The following ERCC1 variants were observed in gnomAD, a reference collection of about 807,000 sequenced individuals.
ERCC1 encodes ERCC excision repair 1, endonuclease non-catalytic subunit, also known as DNA excision repair protein ERCC-1.
A neutral mutation model predicts 37.6 loss-of-function variants in ERCC1; 36 were observed. The observed-to-expected ratio is 0.96, with a 90% CI of 0.73 to 1.26. The LOEUF (loss-of-function observed/expected upper bound fraction) is 1.26, where lower values mean the gene tolerates loss of function less well. Among genes scored for constraint, ERCC1 ranks in the 50% most tolerant of loss-of-function variants. The probability of loss-of-function intolerance (pLI) is 0.00; values close to 1 mark genes in which losing one functional copy is unlikely to be tolerated. For missense variants in ERCC1, 349 were observed against 376.5 expected (o/e 0.93, Z 0.60); for synonymous variants, 156 against 162.1 (o/e 0.96, Z 0.28).
chr19:45,413,880 G>T, intron 8 of ERCC1, 83 bp downstream of exon 8: 1 of 1,565,888 alleles, frequency 6.4e-7, no homozygotes, highest in Non-Finnish European at 8.8e-7. Context: ...GGTGGGCAGG[G>T]AGATGGAAGG....
intron 9 of ERCC1, chr19:45,410,873 G>C (rs1973695733): frequency 6.6e-6 from 1 of 152,026 alleles, no homozygotes; most frequent in South Asian, 2.1e-4. Context: ...GCCCAGGCTG[G>C]AGTGCAGTGG....
chr19:45,408,910 G>A lies in ERCC1; in HGVS notation c.*765C>T, dbSNP rs1193527878. 3 of 1,614,130 alleles carry A rather than the reference G, an allele frequency of 1.9e-6. No homozygotes were observed. Among genetic ancestry groups the A allele is most frequent in the East Asian group, 2.2e-5 (1 of 44,880 alleles). ...CAGTTGAGTCTCAGCCACAGGTGAA[G>A]GTGGAGCCACTGGAGGAAGCCATCC... On this transcript the variant is annotated 3_prime_UTR_variant, in exon 10 of 10. Transcript: ENST00000300853.
chr19:45,420,411 A>G lies in ERCC1; in HGVS notation c.338T>C (p.Leu113Pro), dbSNP rs1428067516. ...VSPRQRGNPV[L>P]KFVRNVPWEF... ...CCAGGGCACATTGCGCACGAACTTCAGTACGGGATTGCCCCTCTGGGGAGG... is the reference window on the plus strand; with the variant it reads ...CCAGGGCACATTGCGCACGAACTTCGGTACGGGATTGCCCCTCTGGGGAGG... The change falls in exon 4 of 10, where the codon CTG (leucine) becomes CCG (proline). Residue 113 changes from leucine to proline, a missense_variant. Transcript: ENST00000300853. This position sits in a 1 kb window ranked among gnomAD's most constrained non-coding sequence, Gnocchi z 4.8. The G allele has an allele frequency of 3.1e-6, 5 of 1,613,232 alleles. No homozygotes were observed. The highest frequency in any genetic ancestry group is 4.2e-6 in the Non-Finnish European group (5 of 1,179,496).
rs572179126 is a variant in ERCC1 at position 45,420,313 on chromosome 19, G to T, written c.425+11C>A. 4 of 1,589,272 alleles carry T rather than the reference G, an allele frequency of 2.5e-6. No individual in the cohort carries two copies. Among genetic ancestry groups the T allele is most frequent in the Non-Finnish European group, 3.4e-6 (4 of 1,159,948 alleles). ...CCTTCCTGAAGTCTGGGGTGGCGCC[G>T]CAGAGCTCACCTGAGGAACAGGGCA... On this transcript the variant is annotated intron_variant, in intron 4 of 9. Coordinates refer to ENST00000300853, the MANE Select transcript of ERCC1 (RefSeq NM_001983.4). This position sits in a 1 kb window ranked among gnomAD's most constrained non-coding sequence, Gnocchi z 4.8.
chr19:45,409,709 T>C lies in ERCC1; in HGVS notation c.860A>G (p.Asp287Gly), dbSNP rs1294107546. Residue 287 changes from aspartate (D) to glycine (G), a missense_variant, in exon 10 of 10, where the codon GAT becomes GGT. Transcript: ENST00000300853. The part of the protein sequence containing the change: ...LGPQKARRLF[D>G]VLHEPFLKVP ...TTTCAAGAAGGGCTCGTGCAGGACA[T>C]CAAACAGCCTCCGGGCCTGGATGGG... 2 of 884,104 alleles carry C rather than the reference T, an allele frequency of 2.3e-6. No homozygotes were observed. 54.8% of individuals were successfully genotyped at this position (884,104 alleles called of 1,614,324 possible). A position where few individuals can be genotyped will look rare whatever the true frequency, so the allele number is the denominator to read the frequency against.
chr19:45,443,332 C>T (rs1055410882), intron 1 of ERCC1, among the ~76,000 whole-genome samples: 1 of 152,186 alleles, frequency 6.6e-6, no homozygotes, highest in Non-Finnish European at 1.5e-5. Context: ...CTCCATACAT[C>T]TTACTGAATG....
In ERCC1 at chr19:45,420,831, C is replaced by G. The variant is rs1039849391; in HGVS notation, c.321+347G>C. ...AGAGATGGGGTGTCACCATATTCGC[C>G]AGACTGGTCTCGAACTCCTGACCTC... On this transcript the variant is annotated intron_variant, in intron 3 of 9. Transcript: ENST00000300853. This position sits in a 1 kb window ranked among gnomAD's most constrained non-coding sequence, Gnocchi z 4.8. Among the ~76,000 whole-genome samples the G allele has an allele frequency of 6.6e-6, 1 of 152,118 alleles. No individual in the cohort carries two copies. The highest frequency in any genetic ancestry group is 2.4e-5 in the African/African-American group (1 of 41,412).
chr19:45,421,454 C>G lies in ERCC1; in HGVS notation c.106-61G>C. 4.3e-6 allele frequency: 5 copies of G among 1,166,110 alleles called. No homozygotes were observed. The Middle Eastern group carries it at 8.6e-4, about 202-fold the overall frequency. The allele number at this position is 1,166,110 out of a possible 1,614,324, so 72.2% of individuals were successfully genotyped here. Reference sequence around the variant, plus strand: ...GGGGTGAGCAGAGGACATCTGAGGCCCTGTGAGTTCCTCTCCCCTTTCTTT... The same window carrying G: ...GGGGTGAGCAGAGGACATCTGAGGCGCTGTGAGTTCCTCTCCCCTTTCTTT... On this transcript the variant is annotated intron_variant, in intron 2 of 9. Transcript: ENST00000300853.
intron 1 of ERCC1, among the ~76,000 whole-genome samples, chr19:45,445,294 G>A (rs1009178363): frequency 2.0e-5 from 3 of 152,200 alleles, no homozygotes; most frequent in African/African-American, 7.2e-5. Context: ...GGGATTAGAG[G>A]TGTGAGCCAC....
rs3212977 is a variant in ERCC1, at chr19:45,413,724, C to T, written c.796G>A (p.Ala266Thr). The T allele has an allele frequency of 2.7e-4, 433 of 1,613,706 alleles. 1 individual carries two copies. In the African/African-American group the frequency reaches 5.1e-3, roughly 19 times the overall value. The change falls in exon 9 of 10, where the codon GCA becomes ACA. Residue 266 changes from alanine (A) to threonine (T), a missense_variant. Coordinates refer to ENST00000300853, the MANE Select transcript of ERCC1 (RefSeq NM_001983.4). ...CATAAGGCCAGATCTTCTCTTGATG[C>T]GGCGATGAGCTGTTCCAGAGACTGA... ...TFGSLEQLIA[A>T]SREDLALCPG...
intron 1 of ERCC1, among the ~76,000 whole-genome samples, chr19:45,443,812 A>G (rs1160074834): frequency 1.3e-5 from 2 of 150,722 alleles, no homozygotes; most frequent in African/African-American, 2.4e-5. Context: ...TGGGGATCCT[A>G]TCTCCTCCCA....
intron 2 of ERCC1, 31 bp from the exon 3 acceptor site, chr19:45,421,424 T>C: frequency 6.5e-7 from 1 of 1,533,476 alleles, no homozygotes; most frequent in Non-Finnish European, 8.9e-7. Flanking sequence ...TGCAGGGGAC[T>C]GGTTGGGGTG....
In ERCC1 at chr19:45,441,872, C is replaced by T. The variant is rs575160209; in HGVS notation, c.-7-18491G>A. 2.5e-4 allele frequency among the ~76,000 whole-genome samples: 38 copies of T among 151,364 alleles called. No homozygotes were observed. In the South Asian group the frequency reaches 6.4e-3, roughly 26 times the overall value. On this transcript the variant is annotated intron_variant, in intron 1 of 8. Transcript: ENST00000423698. ...TAATTTTTTGTATTTTTAGTAGAGA[C>T]GGGGTTTCACAGTGTTAGCCAGGAT... is the stretch of plus-strand genomic sequence containing the variant.
chr19:45,419,446 G>A (rs1475376033), intron 4 of ERCC1: 2 of 495,134 alleles, frequency 4.0e-6, no homozygotes, highest in Non-Finnish European at 7.4e-6. Flanking sequence ...TCATGAAGAG[G>A]GGAAGAGACT....
intron 2 of ERCC1, among the ~76,000 whole-genome samples, chr19:45,422,626 G>A (rs1363355323): frequency 5.3e-5 from 8 of 151,986 alleles, no homozygotes; most frequent in East Asian, 1.9e-4. Context: ...TTAGCCAGGC[G>A]CGCTCCTGTA....
At chr19:45,423,458 C>T (rs977923817) in intron 1 of ERCC1, 77 bp from the exon 2 acceptor site, 8 of 1,531,000 alleles carry the variant, frequency 5.2e-6, no homozygotes, top group Non-Finnish European at 7.0e-6. Context: ...CCCCCACTCA[C>T]AGCCGTCCCC....
At chr19:45,445,896 T>A (rs951922662) in intron 1 of ERCC1, among the ~76,000 whole-genome samples, 2 of 152,082 alleles carry the variant, frequency 1.3e-5, no homozygotes, top group African/African-American at 4.8e-5. Context: ...TTTATTTATT[T>A]ATTTATTTTG....
At chr19:45,416,637 C>CAA (rs376893204) in intron 6 of ERCC1, 184 bp downstream of exon 6, 1,040 of 485,050 alleles carry the variant, frequency 2.1e-3, no homozygotes, top group Middle Eastern at 2.8e-3. Flanking sequence ...GGCTCTGTAT[C>CAA]AAAAAAAAAA....
chr19:45,417,376 G>C (rs896609703), intron 5 of ERCC1, among the ~76,000 whole-genome samples: 3 of 152,174 alleles, frequency 2.0e-5, no homozygotes, highest in African/African-American at 7.2e-5. Context: ...CTGCCTGGGG[G>C]ATCAGGGAGG....
Sources: gnomAD v4.1 joint callset for allele counts (sites outside exome capture counted in the v4.1 genomes callset) on GRCh38, gnomAD v4.1.1 for gene constraint, Gnocchi (gnomAD v3.1) non-coding constraint, MANE v1.5 for transcripts, NCBI Gene and HGNC (gene_info 2026-07-23, HGNC 2026-07-21) for gene names.